TRPM2: variants seen among roughly 807,000 people sequenced by gnomAD.
TRPM2 encodes the protein transient receptor potential cation channel subfamily M member 2, also known as estrogen-responsive element-associated gene 1 protein.
In TRPM2, 161 loss-of-function variants were observed where a neutral mutation model predicts 174.0. The ratio of observed to expected loss-of-function variants is 0.93; its 90% CI spans 0.81 to 1.05. TRPM2 has a LOEUF of 1.05. Ranked by LOEUF, TRPM2 falls within the 50% of genes least tolerant of loss-of-function variation. The probability of loss-of-function intolerance (pLI) is 0.00; values close to 1 mark genes in which losing one functional copy is unlikely to be tolerated. For synonymous variants in TRPM2, 954 were observed against 861.3 expected, an observed-to-expected ratio of 1.11 and a Z score of -1.88; for missense variants, 2,057 against 2,038.0, an observed-to-expected ratio of 1.01 and a Z score of -0.18.
chr21:44,410,393 C>G (rs1490581312), intron 19 of TRPM2, among the ~76,000 whole-genome samples: 3 of 66,710 alleles, frequency 4.5e-5, no homozygotes, highest in East Asian at 5.6e-4. Flanking sequence ...TTGGTGTAGC[C>G]TTGTAGTAAG....
At chr21:44,407,310 G>A (rs1357249743) in intron 19 of TRPM2, among the ~76,000 whole-genome samples, 1 of 148,892 alleles carries the variant, frequency 6.7e-6, no homozygotes, top group Non-Finnish European at 1.5e-5. Context: ...ATTTTTTGTA[G>A]AGATGGGGGT....
chr21:44,413,227 C>CTTTT (rs958225632), intron 19 of TRPM2, among the ~76,000 whole-genome samples: 2 of 116,250 alleles, frequency 1.7e-5, no homozygotes, highest in East Asian at 2.5e-4. Context: ...CTTTTCAATT[C>CTTTT]TTTTTTTTTT....
At chr21:44,425,446 A>T (rs144292052) in intron 24 of TRPM2, 4,939 of 473,328 alleles carry the variant, frequency 0.01, 37 homozygotes, top group Non-Finnish European at 0.014. Flanking sequence ...CGCTGCACAA[A>T]GAGGCAGGTG....
At chr21:44,436,072 C>G (rs1021559899) in intron 28 of TRPM2, among the ~76,000 whole-genome samples, 2 of 151,220 alleles carry the variant, frequency 1.3e-5, no homozygotes, top group African/African-American at 4.9e-5. Flanking sequence ...CAGGCTCATT[C>G]CTCCACACCC....
chr21:44,407,010 T>C (rs2049912342), intron 19 of TRPM2, among the ~76,000 whole-genome samples: 1 of 149,464 alleles, frequency 6.7e-6, no homozygotes, highest in Non-Finnish European at 1.5e-5. Flanking sequence ...GAGGTCAGAG[T>C]GGGCCGAGGG....
At chr21:44,405,399 G>A (rs529193234) in intron 17 of TRPM2, 139 bp downstream of exon 17, 2 of 1,333,556 alleles carry the variant, frequency 1.5e-6, no homozygotes. Context: ...CTGTCCAATG[G>A]GTGTCCAGGC....
chr21:44,396,354 A>G (rs1029028235), intron 12 of TRPM2, among the ~76,000 whole-genome samples: 4 of 1,444 alleles, frequency 2.8e-3, no homozygotes, highest in African/African-American at 0.015. Context: ...CTGTGGAGGG[A>G]TGTGGAGGGG....
Position 44,441,873 on chromosome 21 carries a change from G to A in TRPM2, c.*56G>A. 1 of 1,533,668 alleles carries A rather than the reference G, an allele frequency of 6.5e-7. No individual in the cohort carries two copies. Among genetic ancestry groups the A allele is most frequent in the Non-Finnish European group, 8.8e-7 (1 of 1,137,826 alleles). ...ATAGACGTTCCCCCCAGAAACCAGG[G>A]CTTCTCTCTCCTGAGCCTGGCCAGG... On this transcript the variant is annotated 3_prime_UTR_variant, in exon 32 of 32. Coordinates refer to ENST00000397928, the MANE Select transcript of TRPM2 (RefSeq NM_003307.4).
At chr21:44,374,111 A>G (rs2146187882) in intron 5 of TRPM2, among the ~76,000 whole-genome samples, 1 of 152,054 alleles carries the variant, frequency 6.6e-6, no homozygotes, top group African/African-American at 2.4e-5. Flanking sequence ...TCCGGGTTCA[A>G]GCAAATCTCC....
chr21:44,403,146 C>CCCCCAG (rs2049685633), intron 16 of TRPM2, among the ~76,000 whole-genome samples: 2 of 152,164 alleles, frequency 1.3e-5, no homozygotes, highest in Admixed American at 6.5e-5. Flanking sequence ...CCTCCATGCA[C>CCCCCAG]CCCCAGCCCC....
chr21:44,423,873 A>G, intron 23 of TRPM2, 141 bp downstream of exon 23: 2 of 724,948 alleles, frequency 2.8e-6, no homozygotes, highest in Non-Finnish European at 4.7e-6. Context: ...AGCCATTCCC[A>G]GCTGGAAGAG....
intron 28 of TRPM2, among the ~76,000 whole-genome samples, chr21:44,435,701 CTT>C (rs753504502): frequency 1.5e-5 from 2 of 136,842 alleles, no homozygotes. Context: ...CTCAGACTCA[CTT>C]TCCACACCCA....
intron 23 of TRPM2, 45 bp from the exon 24 acceptor site, chr21:44,424,807 G>T (rs781008219): frequency 1.4e-6 from 2 of 1,413,960 alleles, no homozygotes; most frequent in Admixed American, 4.2e-5. Context: ...TGTACCATGC[G>T]TGTGGGTGGC....
Position 44,391,592 on chromosome 21 carries a change from G to A in TRPM2, c.1761G>A (p.Arg587=). 1 of 1,587,152 alleles carries A rather than the reference G, an allele frequency of 6.3e-7. No homozygotes were observed. The change falls in exon 11 of 32, where the codon CGG becomes CGA. Residue 587 remains arginine (R), a synonymous_variant. Transcript: ENST00000397928. This position sits in a 1 kb window ranked among gnomAD's most constrained non-coding sequence, Gnocchi z 5.0. The part of the protein sequence containing the change: ...YPRPRHNDRL[R]LLLPVPHVKL... ...GGCCCCGGCACAACGACCGGCTGCG[G>A]CTCCTGCTGCCCGTTCCCCACGTCA...
At chr21:44,425,157 C>G in intron 24 of TRPM2, 2 of 554,550 alleles carry the variant, frequency 3.6e-6, no homozygotes. Context: ...GACCTGGTTC[C>G]TGGACGTCCA....
chr21:44,437,157 C>T lies in TRPM2; in HGVS notation c.4157C>T (p.Ala1386Val). The T allele has an allele frequency of 1.3e-6, 2 of 1,551,180 alleles. No homozygotes were observed. The highest frequency in any genetic ancestry group is 8.7e-7 in the Non-Finnish European group (1 of 1,146,818). ...AAGCTCCCTCTCTCCGAGCACTGGGCCCTGCCTGGGGTAAGGCTGCCGCGT... is the reference window on the plus strand; with the variant it reads ...AAGCTCCCTCTCTCCGAGCACTGGGTCCTGCCTGGGGTAAGGCTGCCGCGT... ...VVKLPLSEHW[A>V]LPGGSREPGE... Residue 1386 changes from alanine (A) to valine (V), a missense_variant, in exon 29 of 32, where the codon GCC (alanine) becomes GTC (valine). Physicochemically the swap from Ala to Val is moderately conservative, Grantham distance 64 (BLOSUM62 0). Transcript: ENST00000397928.
intron 27 of TRPM2, among the ~76,000 whole-genome samples, chr21:44,428,344 C>A (rs989113850): frequency 6.6e-6 from 1 of 152,128 alleles, no homozygotes; most frequent in African/African-American, 2.4e-5. Context: ...GACTTCATTT[C>A]CTGCTAAGAT....
rs1010308814 is a variant in TRPM2, at chr21:44,442,100, G to A, written c.*283G>A. On this transcript the variant is annotated 3_prime_UTR_variant, in exon 32 of 32. Coordinates refer to ENST00000397928, the MANE Select transcript of TRPM2 (RefSeq NM_003307.4). ...GGCCATCAGGCGAGGGGCTGGGCCT[G>A]TGCAGCTGGGCCCTTGGCCAGAGTC... 1.2e-5 allele frequency: 4 copies of A among 337,594 alleles called. No individual in the cohort carries two copies. The highest frequency in any genetic ancestry group is 2.1e-5 in the Non-Finnish European group (4 of 189,670). The allele number at this position is 337,594 out of a possible 1,614,324, so 20.9% of individuals were successfully genotyped here. A position where few individuals can be genotyped will look rare whatever the true frequency, so the allele number is the denominator to read the frequency against.
chr21:44,417,792 T>C (rs529985574), intron 20 of TRPM2, 135 bp from the exon 21 acceptor site: 4 of 885,342 alleles, frequency 4.5e-6, no homozygotes, highest in Middle Eastern at 2.9e-4. Context: ...GTGGCTCTGC[T>C]CTCTGTGGCA....
Sources: gnomAD v4.1 joint callset for allele counts (sites outside exome capture counted in the v4.1 genomes callset) on GRCh38, gnomAD v4.1.1 for gene constraint, Gnocchi (gnomAD v3.1) non-coding constraint, MANE v1.5 for transcripts, NCBI Gene and HGNC (gene_info 2026-07-23, HGNC 2026-07-21) for gene names.